The following LRRC75A variants were observed in gnomAD, a reference collection of about 807,000 sequenced individuals.
The protein encoded by LRRC75A is leucine rich repeat containing 75A, also known as leucine-rich repeat-containing protein 75A.
LRRC75A carries 12 observed loss-of-function variants against 26.0 expected under a neutral mutation model. That is an observed-to-expected ratio of 0.46 (90% CI 0.30 to 0.75). The LOEUF is 0.75. Ranked by LOEUF, LRRC75A falls within the 30% of genes least tolerant of loss-of-function variation. The pLI is 0.08. For synonymous variants in LRRC75A, 223 were observed against 219.3 expected (o/e 1.02, Z -0.15); for missense variants, 410 against 486.6 (o/e 0.84, Z 1.48).
intron 1 of LRRC75A, among the ~76,000 whole-genome samples, chr17:16,490,842 C>T (rs1329738565): frequency 1.3e-5 from 2 of 152,216 alleles, no homozygotes; most frequent in Non-Finnish European, 2.9e-5. Flanking sequence ...GCCAAGACAA[C>T]CTGCTTGGTG....
At chr17:16,463,987 G>C (rs952676549) in intron 1 of LRRC75A, 1 of 152,260 alleles carries the variant, frequency 6.6e-6, no homozygotes, top group African/African-American at 2.4e-5. Flanking sequence ...TTTGCTGGGG[G>C]CTCTGGAGGG....
chr17:16,474,304 G>A (rs1273454390), intron 1 of LRRC75A, among the ~76,000 whole-genome samples: 1 of 152,244 alleles, frequency 6.6e-6, no homozygotes, highest in African/African-American at 2.4e-5. Context: ...GAGGGCAGCA[G>A]AAGAGGGACT....
intron 2 of LRRC75A, among the ~76,000 whole-genome samples, chr17:16,460,437 C>G (rs1235269164): frequency 6.6e-6 from 1 of 152,120 alleles, no homozygotes; most frequent in Non-Finnish European, 1.5e-5. Context: ...TGGCCCTTAC[C>G]CACTCCCTGG....
intron 1 of LRRC75A, among the ~76,000 whole-genome samples, chr17:16,465,146 T>C (rs1396368254): frequency 4.6e-5 from 7 of 152,210 alleles, no homozygotes; most frequent in African/African-American, 1.7e-4. Context: ...TCCTCTGTGG[T>C]TGGCAACTTA....
intron 2 of LRRC75A, among the ~76,000 whole-genome samples, chr17:16,453,334 G>A (rs199998675): frequency 9.0e-5 from 12 of 133,432 alleles, no homozygotes; most frequent in South Asian, 4.5e-4. Context: ...ACACGCACAC[G>A]CACACACGCA....
chr17:16,462,340 T>C lies in LRRC75A; in HGVS notation c.293A>G (p.Tyr98Cys). 6.2e-7 allele frequency: 1 copy of C among 1,614,098 alleles called. No homozygotes were observed. The highest frequency in any genetic ancestry group is 8.5e-7 in the Non-Finnish European group (1 of 1,180,006). Residue 98 changes from tyrosine (Y) to cysteine (C), a missense_variant, in exon 2 of 4, where the codon TAC (tyrosine) becomes TGC (cysteine). Physicochemically the swap from Tyr to Cys is radical, Grantham distance 194 (BLOSUM62 -2). Transcript: ENST00000470794. The surrounding 1 kb of genome is among the most constrained non-coding windows in gnomAD (Gnocchi z 4.6). ...GTCCACCAGGTTCCGGAAGCTGGCG[T>C]AGCGATACAGAACGTCGTCTAGCGA... ...STSLDDVLYR[Y>C]ASFRNLVDPI...
chr17:16,450,686 C>T (rs985859356), intron 2 of LRRC75A, among the ~76,000 whole-genome samples: 4 of 152,138 alleles, frequency 2.6e-5, no homozygotes, highest in South Asian at 2.1e-4. Context: ...GGAAGCAAGG[C>T]GGGTGAAGCA....
At chr17:16,460,767 G>C (rs1489211103) in intron 2 of LRRC75A, 1 of 151,460 alleles carries the variant, frequency 6.6e-6, no homozygotes, top group Admixed American at 6.6e-5. Context: ...TTGCTTTTTT[G>C]AGAGCCCCAT....
intron 1 of LRRC75A, among the ~76,000 whole-genome samples, chr17:16,464,980 C>G (rs903098760): frequency 6.6e-6 from 1 of 152,244 alleles, no homozygotes; most frequent in African/African-American, 2.4e-5. Context: ...TGAGGCTCCC[C>G]TTCCTGGGGA....
chr17:16,465,382 G>C (rs562818838), intron 1 of LRRC75A, among the ~76,000 whole-genome samples: 8 of 152,354 alleles, frequency 5.3e-5, no homozygotes, highest in Non-Finnish European at 1.2e-4. Context: ...GAAATGGGCA[G>C]ATGAACCACA....
intron 1 of LRRC75A, among the ~76,000 whole-genome samples, chr17:16,466,492 G>A (rs944908926): frequency 1.3e-5 from 2 of 152,208 alleles, no homozygotes; most frequent in African/African-American, 4.8e-5. Context: ...AAGGCATTGA[G>A]GACAATCCCA....
At chr17:16,447,175 CG>C (rs1159379798) in intron 3 of LRRC75A, 3 of 235,698 alleles carry the variant, frequency 1.3e-5, no homozygotes, top group African/African-American at 7.1e-5. Flanking sequence ...TTGCTTCCTA[CG>C]GTGTTATCAC....
In LRRC75A at chr17:16,491,868, C is replaced by T; in HGVS notation, c.123G>A (p.Ala41=). The T allele has an allele frequency of 7.2e-7, 1 of 1,380,372 alleles. No individual in the cohort carries two copies. Among genetic ancestry groups the T allele is most frequent in the Non-Finnish European group, 9.4e-7 (1 of 1,062,650 alleles). 85.5% of individuals were successfully genotyped at this position (1,380,372 alleles called of 1,614,324 possible). A position where few individuals can be genotyped will look rare whatever the true frequency, so the allele number is the denominator to read the frequency against. ...ASLLLRAGDK[A]GRAGAGMPPY... is the part of the protein sequence containing the mutation. ...GGGGCATCCCCGCGCCCGCGCGCCC[C>T]GCCTTGTCCCCGGCGCGCAGCAGCA... The change falls in exon 1 of 4, where the codon GCG becomes GCA. Residue 41 remains alanine (A), a synonymous_variant. Transcript: ENST00000470794. The surrounding 1 kb of genome is among the most constrained non-coding windows in gnomAD (Gnocchi z 5.9).
At chr17:16,472,658 G>A (rs1412452617) in intron 1 of LRRC75A, among the ~76,000 whole-genome samples, 2 of 152,212 alleles carry the variant, frequency 1.3e-5, no homozygotes, top group Non-Finnish European at 2.9e-5. Context: ...ATGTTAAGGA[G>A]AATTAGGCGT....
At chr17:16,482,234 C>T (rs1475256421) in intron 1 of LRRC75A, among the ~76,000 whole-genome samples, 1 of 152,308 alleles carries the variant, frequency 6.6e-6, no homozygotes, top group Admixed American at 6.5e-5. Flanking sequence ...ACTTCCCAGG[C>T]TGCAAGTGCT....
At position 16,444,146 on chromosome 17, in the gene LRRC75A, G is replaced by T. The variant is rs1225655521; in HGVS notation, c.492-15C>A. 5 of 1,569,924 alleles carry T rather than the reference G, an allele frequency of 3.2e-6. No individual in the cohort carries two copies. Among genetic ancestry groups the T allele is most frequent in the Admixed American group, 1.8e-5 (1 of 56,412 alleles). ...CAGCCTTGAGGCTGAAGGGAAAAAG[G>T]ACAAACAAGGCTCAGGCACATAGGG... On this transcript the variant is annotated splice_polypyrimidine_tract_variant and intron_variant, in intron 3 of 3. Coordinates refer to ENST00000470794, the MANE Select transcript of LRRC75A (RefSeq NM_001113567.3).
chr17:16,472,983 C>A (rs963011199), intron 1 of LRRC75A, among the ~76,000 whole-genome samples: 1 of 152,072 alleles, frequency 6.6e-6, no homozygotes, highest in African/African-American at 2.4e-5. Context: ...AAACCCCCTA[C>A]CCTTGAACAT....
intron 1 of LRRC75A, among the ~76,000 whole-genome samples, chr17:16,465,073 G>A (rs993127573): frequency 3.9e-5 from 6 of 152,202 alleles, no homozygotes; most frequent in East Asian, 1.9e-4. Flanking sequence ...TGGTGGCCAC[G>A]GGGAGGAGGC....
At position 16,443,951 on chromosome 17, in the gene LRRC75A, T is replaced by C. The variant is rs552722291; in HGVS notation, c.672A>G (p.Pro224=). The C allele has an allele frequency of 2.5e-6, 4 of 1,613,374 alleles. No homozygotes were observed. In the East Asian group the frequency reaches 6.7e-5, roughly 27 times the overall value. The change falls in exon 4 of 4, where the codon CCA becomes CCG. Residue 224 remains proline, a synonymous_variant. Transcript: ENST00000470794. ...LTDDMVLQLL[P]ALSTLPRLTT... ...TGAGGCGGGGCAGGGTGCTGAGTGCTGGCAGCAGCTGCAGGACCATGTCGT... is the reference window on the plus strand; with the variant it reads ...TGAGGCGGGGCAGGGTGCTGAGTGCCGGCAGCAGCTGCAGGACCATGTCGT...
Sources: allele counts gnomAD v4.1 joint callset (sites outside exome capture counted in the v4.1 genomes callset), GRCh38; gene constraint gnomAD v4.1.1; non-coding constraint Gnocchi (gnomAD v3.1); transcripts MANE v1.5; gene names NCBI Gene and HGNC (gene_info 2026-07-23, HGNC 2026-07-21).